Variants in RAPGEF6 observed in about 807,000 individuals in gnomAD.
The protein encoded by RAPGEF6 is PDZ domain containing guanine nucleotide exchange factor (GEF) 2.
In RAPGEF6, 56 loss-of-function variants were observed where a neutral mutation model predicts 171.4. That is an observed-to-expected ratio of 0.33 (90% confidence interval 0.26 to 0.41). The LOEUF (loss-of-function observed/expected upper bound fraction) is 0.41. RAPGEF6 is among the 10% of genes least tolerant of loss of function. RAPGEF6 has a pLI of 1.00. For missense variants in RAPGEF6, 1,674 were observed against 1,921.4 expected (o/e 0.87, Z 2.41); for synonymous variants, 692 against 650.1 (o/e 1.06, Z -0.98).
At chr5:131,475,643 C>G (rs1194191177) in intron 16 of RAPGEF6, among the ~76,000 whole-genome samples, 1 of 152,092 alleles carries the variant, frequency 6.6e-6, no homozygotes, top group Non-Finnish European at 1.5e-5. Flanking sequence ...AAAAGAAAAA[C>G]AGATTTCCTG....
intron 5 of RAPGEF6, among the ~76,000 whole-genome samples, chr5:131,555,907 C>T (rs1170750953): frequency 2.0e-5 from 3 of 152,112 alleles, no homozygotes; most frequent in Non-Finnish European, 4.4e-5. Context: ...TACACATAGA[C>T]AGTATAGCCT....
At chr5:131,614,344 T>C (rs1015352375) in intron 1 of RAPGEF6, among the ~76,000 whole-genome samples, 1 of 149,870 alleles carries the variant, frequency 6.7e-6, no homozygotes, top group African/African-American at 2.5e-5. Context: ...CCGCGGTAAT[T>C]TATAAAGAAA....
chr5:131,508,284 A>G (rs1437102567), intron 8 of RAPGEF6, 77 bp from the exon 9 acceptor site: 9 of 1,341,260 alleles, frequency 6.7e-6, no homozygotes, highest in African/African-American at 1.5e-5. Context: ...CTAGAATTCA[A>G]TTCCCAATTT....
intron 14 of RAPGEF6, among the ~76,000 whole-genome samples, chr5:131,491,644 C>G (rs1245374304): frequency 6.6e-6 from 1 of 152,146 alleles, no homozygotes; most frequent in African/African-American, 2.4e-5. Flanking sequence ...CCTGTTAAAT[C>G]AGCAGTGACA....
At chr5:131,437,682 A>C (rs1434239754) in intron 24 of RAPGEF6, among the ~76,000 whole-genome samples, 1 of 152,184 alleles carries the variant, frequency 6.6e-6, no homozygotes, top group Non-Finnish European at 1.5e-5. Context: ...CCTACTATAC[A>C]AACTGTTTTT....
In RAPGEF6 at chr5:131,599,527, C is replaced by T. The variant is rs139908782; in HGVS notation, c.197+3744G>A. On this transcript the variant is annotated intron_variant, in intron 3 of 27. Transcript: ENST00000509018. The stretch of plus-strand genomic sequence containing the variant: ...ATACACACACACACACCTACACACA[C>T]GGGGTCACTTAATTTAACACAAAGT... Among the ~76,000 whole-genome samples, 1,315 of 152,218 alleles carry T rather than the reference C, an allele frequency of 8.6e-3. 6 individuals are homozygous for T. The highest frequency in any genetic ancestry group is 0.02 in the Middle Eastern group (6 of 294).
intron 6 of RAPGEF6, among the ~76,000 whole-genome samples, chr5:131,531,826 T>C (rs1462430038): frequency 6.6e-6 from 1 of 152,154 alleles, no homozygotes. Flanking sequence ...AGTACAGCAA[T>C]AGCCATAATC....
In RAPGEF6 at chr5:131,446,659, T is replaced by C. The variant is rs1752721083; in HGVS notation, c.3245A>G (p.Gln1082Arg). 6.2e-7 allele frequency: 1 copy of C among 1,614,216 alleles called. No homozygotes were observed. Among genetic ancestry groups the C allele is most frequent in the Non-Finnish European group, 8.5e-7 (1 of 1,180,004 alleles). ...GSTNSNMLDV[Q>R]GGAHKKRARR... ...TGCCCTTTTTTTGTGAGCACCTCCC[T>C]GAACATCCAGCATGTTTGAATTTGT... Residue 1082 changes from glutamine (Q) to arginine (R), a missense_variant, in exon 22 of 28, where the codon CAG becomes CGG. Gln to Arg is a conservative substitution (Grantham distance 43, BLOSUM62 1). Coordinates refer to ENST00000509018, the MANE Select transcript of RAPGEF6 (RefSeq NM_016340.6).
At chr5:131,558,525 T>C (rs191319202) in intron 5 of RAPGEF6, among the ~76,000 whole-genome samples, 217 of 152,322 alleles carry the variant, frequency 1.4e-3, no homozygotes, top group Admixed American at 5.0e-3. Flanking sequence ...GGCTTGTGAT[T>C]ACTATTCATA....
chr5:131,505,316 T>A (rs1757304979), intron 10 of RAPGEF6, 48 bp downstream of exon 10: 1 of 1,587,174 alleles, frequency 6.3e-7, no homozygotes, highest in Non-Finnish European at 8.6e-7. Flanking sequence ...CAGGCTCAGC[T>A]ACTTTAAACC....
chr5:131,476,585 C>T (rs571735211), intron 16 of RAPGEF6, among the ~76,000 whole-genome samples: 4 of 152,272 alleles, frequency 2.6e-5, no homozygotes, highest in Admixed American at 6.5e-5. Context: ...CTCAGCCTCC[C>T]GAGTAACTGG....
At chr5:131,614,903 T>C (rs528309345) in intron 1 of RAPGEF6, among the ~76,000 whole-genome samples, 1 of 152,336 alleles carries the variant, frequency 6.6e-6, no homozygotes, top group Non-Finnish European at 1.5e-5. Flanking sequence ...TTTCTTTCGA[T>C]TGGCCAAAAT....
chr5:131,542,226 T>C (rs1006174901), intron 6 of RAPGEF6, among the ~76,000 whole-genome samples: 1 of 152,210 alleles, frequency 6.6e-6, no homozygotes, highest in African/African-American at 2.4e-5. Context: ...ACTTTTTATA[T>C]CCAGGTATGG....
chr5:131,538,076 C>T (rs552038811), intron 6 of RAPGEF6, among the ~76,000 whole-genome samples: 1 of 152,062 alleles, frequency 6.6e-6, no homozygotes, highest in Middle Eastern at 3.4e-3. Flanking sequence ...TAGTTGACAG[C>T]GAGACCGTCT....
Position 131,635,162 on chromosome 5 carries a change from T to C in RAPGEF6, c.-132A>G, listed in dbSNP as rs562820604. Reference sequence around the variant, plus strand: ...TCGCGCCGTAACAAGGTCCGAACTCTAGCAAACAACCCTTCGCAACGCCCG... The same window carrying C: ...TCGCGCCGTAACAAGGTCCGAACTCCAGCAAACAACCCTTCGCAACGCCCG... On this transcript the variant is annotated 5_prime_UTR_variant, in exon 1 of 28. Coordinates refer to ENST00000509018, the MANE Select transcript of RAPGEF6 (RefSeq NM_016340.6). The C allele has an allele frequency of 8.4e-6, 8 of 950,564 alleles. No individual in the cohort carries two copies. In the African/African-American group the frequency reaches 1.2e-4, roughly 14 times the overall value. The allele number at this position is 950,564 out of a possible 1,614,324, so 58.9% of individuals were successfully genotyped here. A position where few individuals can be genotyped will look rare whatever the true frequency, so the allele number is the denominator to read the frequency against.
chr5:131,546,327 C>T (rs566133533), intron 6 of RAPGEF6, among the ~76,000 whole-genome samples: 2 of 151,990 alleles, frequency 1.3e-5, no homozygotes, highest in Non-Finnish European at 2.9e-5. Context: ...AGGAAAAGGC[C>T]GGGCGCTGTG....
intron 1 of RAPGEF6, among the ~76,000 whole-genome samples, chr5:131,626,454 T>C (rs562100212): frequency 1.8e-4 from 27 of 152,118 alleles, no homozygotes; most frequent in Non-Finnish European, 2.9e-4. Context: ...TCTACAAGTA[T>C]ACATGGCTTG....
chr5:131,595,753 T>A (rs1368765651), intron 3 of RAPGEF6, among the ~76,000 whole-genome samples: 1 of 152,200 alleles, frequency 6.6e-6, no homozygotes, highest in African/African-American at 2.4e-5. Context: ...TGTAACTGGG[T>A]AAGCTCCTCC....
chr5:131,439,277 A>T (rs536408423), intron 24 of RAPGEF6, among the ~76,000 whole-genome samples: 51 of 152,330 alleles, frequency 3.3e-4, no homozygotes, highest in Non-Finnish European at 6.8e-4. Context: ...GTCCAAATAT[A>T]GGAAACTGGA....
Sources: gnomAD v4.1 joint callset for allele counts (sites outside exome capture counted in the v4.1 genomes callset) on GRCh38, gnomAD v4.1.1 for gene constraint, MANE v1.5 for transcripts, NCBI Gene and HGNC (gene_info 2026-07-23, HGNC 2026-07-21) for gene names.